The following NRCAM variants were observed in gnomAD, a reference collection of about 807,000 sequenced individuals.
The protein encoded by NRCAM is NgCAM-related cell adhesion molecule.
Under a neutral mutation model 156.5 loss-of-function variants are expected in NRCAM, and 83 were observed. That is an observed-to-expected ratio of 0.53 (90% confidence interval 0.44 to 0.64). The LOEUF (loss-of-function observed/expected upper bound fraction) is 0.64. Ranked by LOEUF, NRCAM falls within the 30% of genes least tolerant of loss-of-function variation. The pLI, the probability that NRCAM is intolerant of heterozygous loss-of-function variation, is 0.00. For missense variants in NRCAM, 1,417 were observed against 1,597.3 expected (o/e 0.89, Z 1.92); for synonymous variants, 538 against 563.9 (o/e 0.95, Z 0.65).
intron 2 of NRCAM, among the ~76,000 whole-genome samples, chr7:108,338,451 C>T (rs1195246077): frequency 1.3e-5 from 2 of 151,214 alleles, no homozygotes; most frequent in South Asian, 4.2e-4. Context: ...ATGTCCCTAC[C>T]GATTTAGGTA....
intron 3 of NRCAM, among the ~76,000 whole-genome samples, chr7:108,280,888 G>A (rs2097835610): frequency 6.6e-6 from 1 of 152,096 alleles, no homozygotes; most frequent in Non-Finnish European, 1.5e-5. Context: ...TAGACAGGGA[G>A]GCAATGGTCT....
intron 9 of NRCAM, among the ~76,000 whole-genome samples, chr7:108,225,950 T>C (rs1196481030): frequency 6.6e-6 from 1 of 152,114 alleles, no homozygotes; most frequent in Non-Finnish European, 1.5e-5. Context: ...AAAGCACACA[T>C]AAATGCTCAG....
chr7:108,372,064 C>T (rs2099632008), intron 2 of NRCAM, among the ~76,000 whole-genome samples: 1 of 152,118 alleles, frequency 6.6e-6, no homozygotes, highest in South Asian at 2.1e-4. Flanking sequence ...AATAAATCCA[C>T]ACATATACAG....
chr7:108,427,707 G>C (rs1223378756), intron 1 of NRCAM, among the ~76,000 whole-genome samples: 1 of 152,144 alleles, frequency 6.6e-6, no homozygotes, highest in Non-Finnish European at 1.5e-5. Flanking sequence ...TTACTCAAAA[G>C]CAAGAGATAA....
intron 3 of NRCAM, among the ~76,000 whole-genome samples, chr7:108,267,372 A>C (rs1210439924): frequency 6.6e-6 from 1 of 152,220 alleles, no homozygotes; most frequent in Non-Finnish European, 1.5e-5. Flanking sequence ...GTGGCTTTAT[A>C]ATATAGCAAT....
At chr7:108,256,100 C>A (rs1182201380) in intron 3 of NRCAM, among the ~76,000 whole-genome samples, 15 of 152,116 alleles carry the variant, frequency 9.9e-5, no homozygotes, top group Non-Finnish European at 1.5e-5. Context: ...CCCCTCTGCC[C>A]GGCCGCCACC....
chr7:108,421,909 C>T (rs1323022419), intron 1 of NRCAM, among the ~76,000 whole-genome samples: 1 of 152,190 alleles, frequency 6.6e-6, no homozygotes, highest in Admixed American at 6.5e-5. Flanking sequence ...GTTTGTCTAA[C>T]AGCAGGCAAA....
At chr7:108,274,319 T>C (rs1423313168) in intron 3 of NRCAM, among the ~76,000 whole-genome samples, 1 of 152,220 alleles carries the variant, frequency 6.6e-6, no homozygotes, top group Non-Finnish European at 1.5e-5. Context: ...AATCTACAAA[T>C]TACCTTGGGC....
rs80308758 is a variant in NRCAM, at chr7:108,167,716, C to T, written c.3313+561G>A. ...GGGGGTACTGGCTTTTCATAAACTGCTGAAAGTGAAAGCTGCCCCATCTCC... is the reference window on the plus strand; with the variant it reads ...GGGGGTACTGGCTTTTCATAAACTGTTGAAAGTGAAAGCTGCCCCATCTCC... On this transcript the variant is annotated intron_variant, in intron 29 of 32. Transcript: ENST00000379028. Among the ~76,000 whole-genome samples, 888 of 152,288 alleles carry T rather than the reference C, an allele frequency of 5.8e-3. 9 individuals carry two copies. Among genetic ancestry groups the T allele is most frequent in the African/African-American group, 0.02 (846 of 41,562 alleles).
At chr7:108,337,164 A>AAGG (rs1203484169) in intron 2 of NRCAM, among the ~76,000 whole-genome samples, 1 of 151,420 alleles carries the variant, frequency 6.6e-6, no homozygotes, top group Non-Finnish European at 1.5e-5. Context: ...TCAGGTAGGT[A>AAGG]AGGTGGGAGA....
At chr7:108,234,477 CTA>C (rs1234862998) in intron 6 of NRCAM, 104 bp downstream of exon 6, 2 of 723,128 alleles carry the variant, frequency 2.8e-6, no homozygotes, top group African/African-American at 3.5e-5. Context: ...AGGAAGTGCT[CTA>C]CATAGTCTGC....
At chr7:108,246,045 T>C (rs774026311) in intron 3 of NRCAM, among the ~76,000 whole-genome samples, 3 of 152,210 alleles carry the variant, frequency 2.0e-5, no homozygotes, top group Non-Finnish European at 4.4e-5. Flanking sequence ...AGCTATCTGA[T>C]GACAGTTGTC....
chr7:108,324,877 C>CATTTTTTTTTTTTTTTTTT (rs201240389), intron 2 of NRCAM, among the ~76,000 whole-genome samples: 10 of 82,676 alleles, frequency 1.2e-4, no homozygotes, highest in Admixed American at 1.4e-4. Context: ...TGGCACTGTA[C>CATTTTTTTTTTTTTTTTTT]TTTTTTTTTT....
intron 2 of NRCAM, among the ~76,000 whole-genome samples, chr7:108,367,468 T>C (rs1172303312): frequency 6.6e-6 from 1 of 152,172 alleles, no homozygotes; most frequent in East Asian, 1.9e-4. Flanking sequence ...ATAAAGATCC[T>C]AAAGCAACCA....
intron 30 of NRCAM, 124 bp downstream of exon 30, chr7:108,166,797 G>T: frequency 1.4e-6 from 1 of 727,766 alleles, no homozygotes; most frequent in South Asian, 3.4e-5. Context: ...ACCCAACAGG[G>T]CCCCATAGAA....
rs2069859452 is a variant in NRCAM, at chr7:108,189,724, G to A, written c.1956C>T (p.Asp652=). 2 of 1,517,406 alleles carry A rather than the reference G, an allele frequency of 1.3e-6. No individual in the cohort carries two copies. Among genetic ancestry groups the A allele is most frequent in the Non-Finnish European group, 1.8e-6 (2 of 1,094,680 alleles). 94.0% of individuals were successfully genotyped at this position (1,517,406 alleles called of 1,614,324 possible). A position where few individuals can be genotyped will look rare whatever the true frequency, so the allele number is the denominator to read the frequency against. ...TGTCAAGTTGATCTGTCAGTTCTAA[G>A]TCAAAGGGAGGATTTGGGACATCTG... ...PVYDVPNPPF[D]LELTDQLDKS... The change falls in exon 20 of 33, where the codon GAC becomes GAT. Residue 652 remains aspartate (D), a synonymous_variant. Coordinates refer to ENST00000379028, the MANE Select transcript of NRCAM (RefSeq NM_001037132.4).
At chr7:108,176,711 A>G in intron 26 of NRCAM, 105 bp from the exon 27 acceptor site, 2 of 829,774 alleles carry the variant, frequency 2.4e-6, no homozygotes, top group Non-Finnish European at 1.9e-6. Flanking sequence ...GCTTACATTG[A>G]CTTTTATAAT....
chr7:108,359,784 T>G (rs1332014779), intron 2 of NRCAM, among the ~76,000 whole-genome samples: 1 of 152,184 alleles, frequency 6.6e-6, no homozygotes, highest in East Asian at 1.9e-4. Context: ...CTGTGACAAA[T>G]GTCTGTTACC....
intron 2 of NRCAM, among the ~76,000 whole-genome samples, chr7:108,356,434 A>C (rs1163128013): frequency 1.3e-5 from 2 of 152,220 alleles, no homozygotes; most frequent in African/African-American, 4.8e-5. Context: ...AGTTTCAGGC[A>C]TCCACTAGAG....
Sources: allele counts gnomAD v4.1 joint callset (sites outside exome capture counted in the v4.1 genomes callset), GRCh38; gene constraint gnomAD v4.1.1; transcripts MANE v1.5; gene names NCBI Gene and HGNC (gene_info 2026-07-23, HGNC 2026-07-21).